The following HPSE2 variants were observed in gnomAD, a reference collection of about 807,000 sequenced individuals.
HPSE2 encodes the protein inactive heparanase-2.
In HPSE2, 38 loss-of-function variants were observed where a neutral mutation model predicts 60.5. The ratio of observed to expected loss-of-function variants is 0.63; its 90% CI spans 0.48 to 0.82. The LOEUF (loss-of-function observed/expected upper bound fraction) is 0.82, where lower values mean the gene tolerates loss of function less well. Ranked by LOEUF, HPSE2 falls within the 40% of genes least tolerant of loss-of-function variation. HPSE2 has a pLI of 0.00. For synonymous variants in HPSE2, 295 were observed against 293.2 expected (o/e 1.01, Z -0.06); for missense variants, 713 against 740.4 (o/e 0.96, Z 0.43).
intron 7 of HPSE2, among the ~76,000 whole-genome samples, chr10:98,634,244 C>T (rs1013510637): frequency 6.6e-6 from 1 of 152,186 alleles, no homozygotes; most frequent in African/African-American, 2.4e-5. Flanking sequence ...ACCTGCCCCT[C>T]GCTTTGTGCA....
intron 9 of HPSE2, among the ~76,000 whole-genome samples, chr10:98,591,738 C>T (rs188759183): frequency 6.6e-6 from 1 of 152,146 alleles, no homozygotes; most frequent in African/African-American, 2.4e-5. Context: ...TTTTCTTTAA[C>T]CCTTTTTTCT....
At chr10:98,823,318 AC>A in intron 3 of HPSE2, among the ~76,000 whole-genome samples, 1 of 152,212 alleles carries the variant, frequency 6.6e-6, no homozygotes, top group Non-Finnish European at 1.5e-5. Context: ...TAGATGGATT[AC>A]TATAAAGATA....
chr10:98,891,438 A>C (rs1953332242), intron 3 of HPSE2, among the ~76,000 whole-genome samples: 1 of 152,112 alleles, frequency 6.6e-6, no homozygotes, highest in Non-Finnish European at 1.5e-5. Context: ...GCAATTTAAC[A>C]GTTATATTAT....
In HPSE2 at chr10:98,919,595, G is replaced by A. The variant is rs533152048; in HGVS notation, c.611-175539C>T. On this transcript the variant is annotated intron_variant, in intron 3 of 11. Transcript: ENST00000370552. ...ATGAATACATTTTAAATATATTCAA[G>A]AGATAAAATTAACAATCATTTTAGA... Among the ~76,000 whole-genome samples the A allele has an allele frequency of 4.6e-5, 7 of 152,238 alleles. No homozygotes were observed. In the East Asian group the frequency reaches 1.2e-3, roughly 25 times the overall value.
At chr10:99,150,390 G>A (rs1334318232) in intron 2 of HPSE2, among the ~76,000 whole-genome samples, 1 of 152,044 alleles carries the variant, frequency 6.6e-6, no homozygotes, top group Non-Finnish European at 1.5e-5. Context: ...TAGTGGCATA[G>A]CCCACCACAG....
At chr10:98,788,404 CTG>C (rs1412174960) in intron 3 of HPSE2, among the ~76,000 whole-genome samples, 1 of 90,312 alleles carries the variant, frequency 1.1e-5, no homozygotes, top group African/African-American at 3.5e-5. Flanking sequence ...TTTTGTTTGT[CTG>C]TGCCCTGCCC....
In HPSE2 at chr10:98,861,640, T is replaced by C. The variant is rs755124494; in HGVS notation, c.611-117584A>G. The stretch of plus-strand genomic sequence containing the variant: ...AAGAAAGGGCCTTGGCAGCATTCAA[T>C]ACTTGCCTTTTGACATAATGTGTAA... On this transcript the variant is annotated intron_variant, in intron 3 of 11. Transcript: ENST00000370552. Among the ~76,000 whole-genome samples, 41 of 152,348 alleles carry C rather than the reference T, an allele frequency of 2.7e-4. 2 individuals are homozygous for C. The highest frequency in any genetic ancestry group is 6.8e-3 in the Middle Eastern group (2 of 294).
chr10:98,483,711 A>T (rs1941334875), intron 10 of HPSE2, among the ~76,000 whole-genome samples: 1 of 152,186 alleles, frequency 6.6e-6, no homozygotes, highest in Admixed American at 6.5e-5. Context: ...GCCATGTTTC[A>T]TTTCCCTCTG....
intron 3 of HPSE2, among the ~76,000 whole-genome samples, chr10:98,956,486 G>A (rs1182270689): frequency 6.6e-6 from 1 of 152,036 alleles, no homozygotes; most frequent in African/African-American, 2.4e-5. Context: ...AGATAGCTCG[G>A]GGCTATTGTA....
At chr10:98,838,990 A>G (rs894911972) in intron 3 of HPSE2, among the ~76,000 whole-genome samples, 2 of 152,190 alleles carry the variant, frequency 1.3e-5, no homozygotes, top group African/African-American at 2.4e-5. Context: ...AACCATCTAG[A>G]GAAGTTAATA....
At chr10:99,225,325 A>G (rs1335280316) in intron 2 of HPSE2, among the ~76,000 whole-genome samples, 3 of 152,080 alleles carry the variant, frequency 2.0e-5, no homozygotes, top group African/African-American at 7.2e-5. Context: ...TGAAGTAACA[A>G]GAAGTCAATA....
chr10:98,790,703 C>A (rs902828580), intron 3 of HPSE2, among the ~76,000 whole-genome samples: 1 of 152,096 alleles, frequency 6.6e-6, no homozygotes, highest in Non-Finnish European at 1.5e-5. Context: ...AATATTTCTA[C>A]AATGTGTACA....
At chr10:99,308,398 G>GAAAAAAAAAAAAAAAAAAAAAAAAAAAA in the HPSE2 span, among the ~76,000 whole-genome samples, 226 of 56,296 alleles carry the variant, frequency 4.0e-3, no homozygotes, top group Middle Eastern at 0.018. Context: ...AAAAAAAAAG[G>GAAAAAAAAAAAAAAAAAAAAAAAAAAAA]AAACCATCAA....
the HPSE2 span, among the ~76,000 whole-genome samples, chr10:99,261,771 C>T: frequency 6.6e-6 from 1 of 152,094 alleles, no homozygotes; most frequent in Non-Finnish European, 1.5e-5. Flanking sequence ...TGAGAAAAAC[C>T]CCAGCCACAT....
At chr10:98,722,812 A>G (rs1187964498) in intron 4 of HPSE2, among the ~76,000 whole-genome samples, 1 of 152,114 alleles carries the variant, frequency 6.6e-6, no homozygotes, top group Non-Finnish European at 1.5e-5. Flanking sequence ...TGATACTGGC[A>G]GGTACAAGAA....
chr10:98,777,375 A>G (rs1486506568), intron 3 of HPSE2, among the ~76,000 whole-genome samples: 1 of 152,224 alleles, frequency 6.6e-6, no homozygotes, highest in Non-Finnish European at 1.5e-5. Context: ...ACACGAGAAT[A>G]TAAAAACAAT....
chr10:98,540,043 G>A (rs1303602017), intron 9 of HPSE2, among the ~76,000 whole-genome samples: 1 of 152,210 alleles, frequency 6.6e-6, no homozygotes, highest in African/African-American at 2.4e-5. Flanking sequence ...TACACATTCT[G>A]GGTCTCAATT....
intron 8 of HPSE2, among the ~76,000 whole-genome samples, chr10:98,619,831 C>G (rs1365533655): frequency 6.6e-6 from 1 of 152,204 alleles, no homozygotes; most frequent in Non-Finnish European, 1.5e-5. Context: ...CACAGAAATA[C>G]TTCATTCCTT....
chr10:99,265,101 A>G, the HPSE2 span, among the ~76,000 whole-genome samples: 1 of 152,334 alleles, frequency 6.6e-6, no homozygotes, highest in South Asian at 2.1e-4. Context: ...AAGTGAAAAT[A>G]GCCTTAACTG....
Sources: allele counts gnomAD v4.1 joint callset (sites outside exome capture counted in the v4.1 genomes callset), GRCh38; gene constraint gnomAD v4.1.1; transcripts MANE v1.5; gene names NCBI Gene and HGNC (gene_info 2026-07-23, HGNC 2026-07-21).